BORCS5: variants seen among roughly 807,000 people sequenced by gnomAD.
BORCS5 encodes the protein BLOC-1 related complex subunit 5, also known as BLOC-1-related complex subunit 5.
A neutral mutation model predicts 22.1 loss-of-function variants in BORCS5; 17 were observed. The observed-to-expected ratio is 0.77, with a 90% CI of 0.53 to 1.15. The LOEUF (loss-of-function observed/expected upper bound fraction) is 1.15, where lower values mean the gene tolerates loss of function less well. Among genes scored for constraint, BORCS5 ranks in the 50% most tolerant of loss-of-function variants. The pLI is 0.00. For synonymous variants in BORCS5, 117 were observed against 99.8 expected, an observed-to-expected ratio of 1.17 and a Z score of -1.03; for missense variants, 247 against 253.2, an observed-to-expected ratio of 0.98 and a Z score of 0.17.
chr12:12,425,283 GACT>G (rs1196562331), intron 2 of BORCS5, among the ~76,000 whole-genome samples: 1 of 152,162 alleles, frequency 6.6e-6, no homozygotes, highest in African/African-American at 2.4e-5. Context: ...GCCTTCAATA[GACT>G]CTAGAGCTAC....
intron 2 of BORCS5, among the ~76,000 whole-genome samples, chr12:12,399,148 C>T (rs111248798): frequency 6.6e-6 from 1 of 152,024 alleles, no homozygotes; most frequent in African/African-American, 2.4e-5. Context: ...CTTTGTTGTT[C>T]CTTAGCATAA....
At chr12:12,455,356 G>A (rs1942979338) in intron 3 of BORCS5, among the ~76,000 whole-genome samples, 1 of 152,178 alleles carries the variant, frequency 6.6e-6, no homozygotes, top group Admixed American at 6.5e-5. Context: ...AATGTAGAAC[G>A]AGTGCAGAGA....
chr12:12,461,161 CTTT>C (rs35299390), intron 3 of BORCS5, among the ~76,000 whole-genome samples: 5 of 134,196 alleles, frequency 3.7e-5, no homozygotes, highest in Non-Finnish European at 4.7e-5. Flanking sequence ...TTATTGCATT[CTTT>C]TTTTTTTTTT....
At chr12:12,416,557 C>T (rs766606728) in intron 2 of BORCS5, among the ~76,000 whole-genome samples, 7 of 151,976 alleles carry the variant, frequency 4.6e-5, no homozygotes, top group Non-Finnish European at 7.4e-5. Context: ...GATTCTTCTA[C>T]CTCAGCCTCC....
intron 2 of BORCS5, among the ~76,000 whole-genome samples, chr12:12,386,796 C>T (rs572475744): frequency 1.3e-5 from 2 of 151,314 alleles, no homozygotes; most frequent in Non-Finnish European, 3.0e-5. Flanking sequence ...ATTCCTTCCT[C>T]CCTGCCCACC....
chr12:12,415,532 A>G (rs1439294589), intron 2 of BORCS5, among the ~76,000 whole-genome samples: 15 of 54,990 alleles, frequency 2.7e-4, no homozygotes, highest in Admixed American at 1.2e-3. Context: ...CATCAGAGGG[A>G]GACCGTGGAA....
intron 2 of BORCS5, among the ~76,000 whole-genome samples, chr12:12,424,010 A>T: frequency 6.6e-6 from 1 of 152,190 alleles, no homozygotes; most frequent in East Asian, 1.9e-4. Flanking sequence ...GTTGATTATA[A>T]TGTGTCCTGG....
At chr12:12,460,089 C>G (rs1174461703) in intron 3 of BORCS5, among the ~76,000 whole-genome samples, 2 of 152,212 alleles carry the variant, frequency 1.3e-5, no homozygotes, top group Admixed American at 6.5e-5. Context: ...AAATGAACCT[C>G]TTAATCAATT....
intron 2 of BORCS5, among the ~76,000 whole-genome samples, chr12:12,399,732 A>T (rs577120683): frequency 1.3e-5 from 2 of 152,212 alleles, no homozygotes; most frequent in African/African-American, 2.4e-5. Context: ...GTAGGTTTCA[A>T]TCTTTTAAGC....
Position 12,466,073 on chromosome 12 carries a change from T to G in BORCS5, c.*297T>G, listed in dbSNP as rs1943197008. The stretch of plus-strand genomic sequence containing the variant: ...TGAGAATTATTTTTATTTAGTTTTT[T>G]TTTTTTTTTAATTGAGAGTATATAG... On this transcript the variant is annotated 3_prime_UTR_variant, in exon 4 of 4. Coordinates refer to ENST00000314565, the MANE Select transcript of BORCS5 (RefSeq NM_058169.6). 3.1e-6 allele frequency: 1 copy of G among 318,234 alleles called. No individual in the cohort carries two copies. Among genetic ancestry groups the G allele is most frequent in the African/African-American group, 2.1e-5 (1 of 46,680 alleles). 19.7% of individuals were successfully genotyped at this position (318,234 alleles called of 1,614,324 possible).
At chr12:12,364,488 G>C (rs1863362932) in intron 2 of BORCS5, among the ~76,000 whole-genome samples, 1 of 152,226 alleles carries the variant, frequency 6.6e-6, no homozygotes, top group Admixed American at 6.5e-5. Flanking sequence ...AGGAGGAAAA[G>C]GAGGGGTTAG....
intron 2 of BORCS5, among the ~76,000 whole-genome samples, chr12:12,388,020 T>G (rs539289266): frequency 6.6e-6 from 1 of 151,596 alleles, no homozygotes; most frequent in African/African-American, 2.4e-5. Flanking sequence ...TTTTTTATTT[T>G]CCAGTTTCTA....
chr12:12,448,320 A>G (rs1942831689), intron 3 of BORCS5, among the ~76,000 whole-genome samples: 2 of 151,990 alleles, frequency 1.3e-5, no homozygotes, highest in Admixed American at 1.3e-4. Flanking sequence ...GGTTCAACGG[A>G]TTCTCCTGTC....
intron 3 of BORCS5, among the ~76,000 whole-genome samples, chr12:12,451,267 G>A (rs571750759): frequency 2.6e-4 from 40 of 152,130 alleles, no homozygotes; most frequent in South Asian, 6.2e-4. Context: ...AAACAGAAAG[G>A]TGCTTTAGAA....
intron 2 of BORCS5, among the ~76,000 whole-genome samples, chr12:12,376,482 C>T (rs1448082538): frequency 6.6e-6 from 1 of 152,190 alleles, no homozygotes; most frequent in Non-Finnish European, 1.5e-5. Context: ...ATCCACCTGC[C>T]TCGGCCTCCC....
In BORCS5 at chr12:12,448,298, T is replaced by C. The variant is rs1205884101; in HGVS notation, c.360+12513T>C. On this transcript the variant is annotated intron_variant, in intron 3 of 3. Transcript: ENST00000314565. The stretch of plus-strand genomic sequence containing the variant: ...TGGTGCAATCTCGGCTCACTGCAAC[T>C]CCTGCCTCCCGGGTTCAACGGATTC... Among the ~76,000 whole-genome samples the C allele has an allele frequency of 2.6e-5, 4 of 152,140 alleles. 1 individual carries two copies. In the South Asian group the frequency reaches 8.3e-4, roughly 31 times the overall value.
At chr12:12,400,400 C>T (rs894600898) in intron 2 of BORCS5, among the ~76,000 whole-genome samples, 2 of 151,964 alleles carry the variant, frequency 1.3e-5, no homozygotes, top group African/African-American at 4.8e-5. Flanking sequence ...CCTGAGGTGA[C>T]CAAGGGTGGA....
chr12:12,379,106 CTTTCTTT>C (rs772331807), intron 2 of BORCS5, among the ~76,000 whole-genome samples: 1 of 148,780 alleles, frequency 6.7e-6, no homozygotes, highest in African/African-American at 2.5e-5. Flanking sequence ...CTTCTTTCTT[CTTTCTTT>C]TCTCTTTTTT....
At chr12:12,367,109 G>C (rs1379035392) in intron 2 of BORCS5, among the ~76,000 whole-genome samples, 1 of 152,170 alleles carries the variant, frequency 6.6e-6, no homozygotes, top group Non-Finnish European at 1.5e-5. Context: ...AAATCTCATG[G>C]AACAGCAGTG....
Sources: gnomAD v4.1 joint callset for allele counts (sites outside exome capture counted in the v4.1 genomes callset) on GRCh38, gnomAD v4.1.1 for gene constraint, MANE v1.5 for transcripts, NCBI Gene and HGNC (gene_info 2026-07-23, HGNC 2026-07-21) for gene names.